GPC3: variants seen among roughly 807,000 people sequenced by gnomAD.
The protein encoded by GPC3 is glypican-3.
GPC3 carries 3 observed loss-of-function variants against 34.4 expected under a neutral mutation model. The observed-to-expected ratio is 0.09, with a 90% CI of 0.04 to 0.23. The LOEUF (loss-of-function observed/expected upper bound fraction) is 0.23, where lower values mean the gene tolerates loss of function less well. GPC3 is among the 10% of genes least tolerant of loss of function. GPC3 has a pLI of 1.00. For synonymous variants in GPC3, 177 were observed against 174.0 expected, an observed-to-expected ratio of 1.02 and a Z score of -0.13; for missense variants, 351 against 445.6, an observed-to-expected ratio of 0.79 and a Z score of 1.91.
chrX:133,842,101 G>A (rs113969474), intron 2 of GPC3, among the ~76,000 whole-genome samples: 13 of 111,571 alleles, frequency 1.2e-4, no homozygotes, highest in African/African-American at 4.2e-4. Flanking sequence ...CAGATCACCC[G>A]AGGTCAGGAG....
intron 3 of GPC3, among the ~76,000 whole-genome samples, chrX:133,748,210 C>G (rs1459860565): frequency 8.9e-6 from 1 of 111,988 alleles, no homozygotes; most frequent in Non-Finnish European, 1.9e-5. Context: ...TATATGGTAA[C>G]AGCAATCAAA....
At chrX:133,874,171 G>A (rs767601986) in intron 2 of GPC3, among the ~76,000 whole-genome samples, 16 of 111,849 alleles carry the variant, frequency 1.4e-4, no homozygotes, top group African/African-American at 3.9e-4. Flanking sequence ...CTCCCATTCC[G>A]TGTTCTTTAG....
intron 6 of GPC3, among the ~76,000 whole-genome samples, chrX:133,629,840 T>C (rs1449877430): frequency 1.8e-5 from 2 of 109,663 alleles, no homozygotes; most frequent in African/African-American, 6.6e-5. Flanking sequence ...AGATCACCTG[T>C]GGTCAGGAGT....
At chrX:133,852,975 T>C (rs1315926314) in intron 2 of GPC3, among the ~76,000 whole-genome samples, 4 of 94,440 alleles carry the variant, frequency 4.2e-5, no homozygotes, top group African/African-American at 8.1e-5. Context: ...GACGTGCAAT[T>C]TTTAAATTCC....
rs1294834193 is a variant in GPC3, at chrX:133,695,293, A to T, written c.1167-2799T>A. Reference sequence around the variant, plus strand: ...TTGGGGAATGATAGCTAAAGGGTACAGAGTTTCTTCCTGAAGTGATGAAAA... The same window carrying T: ...TTGGGGAATGATAGCTAAAGGGTACTGAGTTTCTTCCTGAAGTGATGAAAA... On this transcript the variant is annotated intron_variant, in intron 4 of 7. Coordinates refer to ENST00000370818, the MANE Select transcript of GPC3 (RefSeq NM_004484.4). Among the ~76,000 whole-genome samples, 3 of 112,297 alleles carry T rather than the reference A, an allele frequency of 2.7e-5. No homozygotes were observed. In the East Asian group the frequency reaches 8.4e-4, roughly 31 times the overall value.
intron 2 of GPC3, among the ~76,000 whole-genome samples, chrX:133,788,890 G>T (rs1341618230): frequency 1.8e-5 from 2 of 110,439 alleles, no homozygotes; most frequent in Non-Finnish European, 3.8e-5. Flanking sequence ...GTTGCCCAAG[G>T]TTACACAGCC....
At chrX:133,568,683 G>A (rs1324752842) in intron 7 of GPC3, among the ~76,000 whole-genome samples, 1 of 111,114 alleles carries the variant, frequency 9.0e-6, no homozygotes, top group African/African-American at 3.3e-5. Context: ...ATGGAGGAAG[G>A]AGCATTTAAA....
In GPC3 at chrX:133,839,712, C is replaced by T. The variant is rs767741846; in HGVS notation, c.338-85536G>A. Among the ~76,000 whole-genome samples, 5 of 109,839 alleles carry T rather than the reference C, an allele frequency of 4.6e-5. No homozygotes were observed. In the South Asian group the frequency reaches 1.6e-3, roughly 35 times the overall value. On this transcript the variant is annotated intron_variant, in intron 2 of 7. Transcript: ENST00000370818. ...TTGGGAGGCTGAGGCGGGCAGATCA[C>T]GAGGTCAGGAGATTGAGACCATCCC...
intron 7 of GPC3, among the ~76,000 whole-genome samples, chrX:133,595,805 G>A (rs2069907370): frequency 9.0e-6 from 1 of 111,459 alleles, no homozygotes; most frequent in Admixed American, 9.6e-5. Flanking sequence ...ATGAACAACC[G>A]TGCCCTACCA....
chrX:133,863,916 A>T (rs1210776953), intron 2 of GPC3, among the ~76,000 whole-genome samples: 6 of 109,170 alleles, frequency 5.5e-5, no homozygotes, highest in Non-Finnish European at 1.1e-4. Flanking sequence ...CGGCCTCCCA[A>T]AGTGCTGGGA....
At chrX:133,565,174 A>G (rs777587774) in intron 7 of GPC3, among the ~76,000 whole-genome samples, 1 of 111,952 alleles carries the variant, frequency 8.9e-6, no homozygotes, top group African/African-American at 3.2e-5. Flanking sequence ...GGTGCTAGGC[A>G]AAGATGCAGA....
intron 2 of GPC3, among the ~76,000 whole-genome samples, chrX:133,923,395 G>A (rs1875206318): frequency 1.8e-5 from 2 of 111,469 alleles, no homozygotes; most frequent in African/African-American, 6.5e-5. Flanking sequence ...AAGCCCTAAA[G>A]CAAGAATTCA....
At chrX:133,756,487 C>T (rs2071726979) in intron 2 of GPC3, among the ~76,000 whole-genome samples, 1 of 111,924 alleles carries the variant, frequency 8.9e-6, no homozygotes, top group Non-Finnish European at 1.9e-5. Context: ...TATGCCACTC[C>T]TGTAGATCTC....
chrX:133,829,840 C>T (rs755176971), intron 2 of GPC3, among the ~76,000 whole-genome samples: 28 of 111,666 alleles, frequency 2.5e-4, no homozygotes, highest in African/African-American at 9.1e-4. Flanking sequence ...AAGAGTCAAT[C>T]CACAAAGAAA....
chrX:133,972,185 G>A (rs1218949174), intron 1 of GPC3, among the ~76,000 whole-genome samples: 1 of 112,249 alleles, frequency 8.9e-6, no homozygotes, highest in Non-Finnish European at 1.9e-5. Context: ...ATTAACACTT[G>A]TATAAAACCT....
chrX:133,654,904 T>C (rs1358886848), intron 6 of GPC3, among the ~76,000 whole-genome samples: 1 of 111,548 alleles, frequency 9.0e-6, no homozygotes, highest in Non-Finnish European at 1.9e-5. Flanking sequence ...TGCTAACATG[T>C]CCAGTTAAAA....
At chrX:133,788,018 C>T (rs897430062) in intron 2 of GPC3, among the ~76,000 whole-genome samples, 15 of 100,051 alleles carry the variant, frequency 1.5e-4, no homozygotes, top group Non-Finnish European at 2.6e-4. Context: ...GATGAATATG[C>T]GTGTACCCTC....
At chrX:133,893,689 G>A (rs754600836) in intron 2 of GPC3, among the ~76,000 whole-genome samples, 81 of 111,310 alleles carry the variant, frequency 7.3e-4, no homozygotes, top group Non-Finnish European at 1.4e-3. Context: ...ATCCTGTGAA[G>A]GACACACACC....
intron 6 of GPC3, among the ~76,000 whole-genome samples, chrX:133,606,165 G>A (rs1347538490): frequency 2.7e-5 from 3 of 112,440 alleles, no homozygotes; most frequent in Non-Finnish European, 5.6e-5. Flanking sequence ...AGCCGACCCA[G>A]GATGGAATTA....
Sources: allele counts gnomAD v4.1 joint callset (sites outside exome capture counted in the v4.1 genomes callset), GRCh38; gene constraint gnomAD v4.1.1; transcripts MANE v1.5; gene names NCBI Gene and HGNC (gene_info 2026-07-23, HGNC 2026-07-21).